Variants in PHF2 observed in about 807,000 individuals in gnomAD.
PHF2 encodes the protein lysine-specific demethylase PHF2.
A neutral mutation model predicts 120.5 loss-of-function variants in PHF2; 27 were observed. The ratio of observed to expected loss-of-function variants is 0.22; its 90% CI spans 0.17 to 0.31. The LOEUF (loss-of-function observed/expected upper bound fraction) is 0.31. PHF2 is among the 10% of genes least tolerant of loss of function. The pLI, the probability that PHF2 is intolerant of heterozygous loss-of-function variation, is 1.00. For synonymous variants in PHF2, 568 were observed against 592.5 expected, an observed-to-expected ratio of 0.96 and a Z score of 0.60; for missense variants, 1,024 against 1,434.8, an observed-to-expected ratio of 0.71 and a Z score of 4.63.
chr9:93,627,283 T>G (rs748392969), intron 1 of PHF2, among the ~76,000 whole-genome samples: 13 of 152,238 alleles, frequency 8.5e-5, no homozygotes, highest in Non-Finnish European at 1.9e-4. Flanking sequence ...CTTGATTTTA[T>G]TTTCAGATTA....
chr9:93,629,064 A>AT (rs1239599566), intron 1 of PHF2, among the ~76,000 whole-genome samples: 11 of 151,526 alleles, frequency 7.3e-5, no homozygotes, highest in Non-Finnish European at 4.4e-5. Flanking sequence ...GCTCCGGCTA[A>AT]TTTTTTTTGT....
At chr9:93,577,516 TAGACCCGGC>T (rs779231882) in intron 1 of PHF2, among the ~76,000 whole-genome samples, 8 of 152,064 alleles carry the variant, frequency 5.3e-5, no homozygotes, top group Non-Finnish European at 8.8e-5. Flanking sequence ...GCGGAGCAGC[TAGACCCGGC>T]AGGCCTGCAG....
In PHF2 at chr9:93,595,634, A is replaced by G. The variant is rs181862552; in HGVS notation, c.98+18763A>G. On this transcript the variant is annotated intron_variant, in intron 1 of 21. Coordinates refer to ENST00000359246, the MANE Select transcript of PHF2 (RefSeq NM_005392.4). ...ATGTGCAGACACACTTTATACACAGACCGAGATTTGCATCTTCTGTGAACA... is the reference window on the plus strand; with the variant it reads ...ATGTGCAGACACACTTTATACACAGGCCGAGATTTGCATCTTCTGTGAACA... Among the ~76,000 whole-genome samples, 40 of 152,366 alleles carry G rather than the reference A, an allele frequency of 2.6e-4. No homozygotes were observed. In the East Asian group the frequency reaches 6.8e-3, roughly 26 times the overall value.
rs763338562 is a variant in PHF2 at position 93,660,579 on chromosome 9, G to T, written c.1698+19G>T. The T allele has an allele frequency of 1.3e-6, 2 of 1,532,352 alleles. No individual in the cohort carries two copies. The highest frequency in any genetic ancestry group is 1.3e-5 in the South Asian group (1 of 75,506). The allele number at this position is 1,532,352 out of a possible 1,614,324, so 94.9% of individuals were successfully genotyped here. A position where few individuals can be genotyped will look rare whatever the true frequency, so the allele number is the denominator to read the frequency against. ...GGGCAAGGTGGGACCCCCTCACCCT[G>T]ACTCCCCACCTTATCACCAGAGGTG... On this transcript the variant is annotated intron_variant, in intron 12 of 21. Coordinates refer to ENST00000359246, the MANE Select transcript of PHF2 (RefSeq NM_005392.4).
In PHF2 at chr9:93,647,328, C is replaced by T. The variant is rs375362506; in HGVS notation, c.460+1539C>T. 1.9e-4 allele frequency among the ~76,000 whole-genome samples: 29 copies of T among 152,338 alleles called. 1 individual carries two copies. In the East Asian group the frequency reaches 4.1e-3, roughly 21 times the overall value. On this transcript the variant is annotated intron_variant, in intron 4 of 21. Coordinates refer to ENST00000359246, the MANE Select transcript of PHF2 (RefSeq NM_005392.4). Reference sequence around the variant, plus strand: ...CCCTGCCACCAAGGCCCTGGGCTCACCTAATCATGCGGGTGGGGCCTGGTT... The same window carrying T: ...CCCTGCCACCAAGGCCCTGGGCTCATCTAATCATGCGGGTGGGGCCTGGTT...
chr9:93,645,293 G>C (rs1208846346), intron 3 of PHF2, among the ~76,000 whole-genome samples: 1 of 152,196 alleles, frequency 6.6e-6, no homozygotes, highest in Non-Finnish European at 1.5e-5. Context: ...CCGGGTGCCG[G>C]TGGTTGGGGA....
intron 1 of PHF2, among the ~76,000 whole-genome samples, chr9:93,627,491 G>GGTTTTTTTT (rs1186546705): frequency 2.4e-5 from 1 of 41,076 alleles, no homozygotes; most frequent in African/African-American, 9.2e-5. Flanking sequence ...TTTATTTCAG[G>GGTTTTTTTT]ATTTTTTTTT....
chr9:93,597,535 G>T (rs1041186594), intron 1 of PHF2, among the ~76,000 whole-genome samples: 3 of 152,102 alleles, frequency 2.0e-5, no homozygotes, highest in African/African-American at 7.2e-5. Flanking sequence ...GCAGGAAGCG[G>T]GGTTGGGGGT....
In PHF2 at chr9:93,660,542, G is replaced by A. The variant is rs1436420175; in HGVS notation, c.1680G>A (p.Glu560=). The A allele has an allele frequency of 3.2e-6, 5 of 1,573,024 alleles. No individual in the cohort carries two copies. Among genetic ancestry groups the A allele is most frequent in the South Asian group, 1.2e-5 (1 of 83,072 alleles). ...AHTKEALTKM[E]PPKKGKATKS... ...CCAAGGAGGCACTGACCAAGATGGA[G>A]CCGCCCAAGAAGGGCAAGGTGGGAC... The change falls in exon 12 of 22, where the codon GAG becomes GAA. Residue 560 remains glutamate, a synonymous_variant. Transcript: ENST00000359246.
At chr9:93,670,796 A>G (rs1342272480) in intron 17 of PHF2, among the ~76,000 whole-genome samples, 1 of 152,090 alleles carries the variant, frequency 6.6e-6, no homozygotes, top group African/African-American at 2.4e-5. Flanking sequence ...CAGTGTAGAC[A>G]GGAGGAGGTG....
At chr9:93,646,523 A>C (rs533539318) in intron 4 of PHF2, among the ~76,000 whole-genome samples, 1 of 152,348 alleles carries the variant, frequency 6.6e-6, no homozygotes, top group East Asian at 1.9e-4. Context: ...CCAGGACAGA[A>C]GGTGGGCAGG....
intron 17 of PHF2, among the ~76,000 whole-genome samples, chr9:93,668,787 T>A (rs2118065776): frequency 6.6e-6 from 1 of 152,326 alleles, no homozygotes; most frequent in East Asian, 1.9e-4. Flanking sequence ...CTCGGAGCAG[T>A]GTGCACGTGC....
At chr9:93,602,504 C>T (rs537744976) in intron 1 of PHF2, among the ~76,000 whole-genome samples, 2 of 152,202 alleles carry the variant, frequency 1.3e-5, no homozygotes, top group South Asian at 2.1e-4. Flanking sequence ...CCACCCACCT[C>T]GGCCTCCCAA....
At chr9:93,654,344 A>G (rs1395179612) in intron 6 of PHF2, 69 bp from the exon 7 acceptor site, 11 of 1,494,288 alleles carry the variant, frequency 7.4e-6, no homozygotes, top group Admixed American at 1.7e-5. Flanking sequence ...TCACGTTAGG[A>G]CCTGTCACTT....
chr9:93,635,975 G>A (rs1251556569), intron 2 of PHF2, among the ~76,000 whole-genome samples: 1 of 152,240 alleles, frequency 6.6e-6, no homozygotes, highest in East Asian at 1.9e-4. Flanking sequence ...GCCCCTGTCT[G>A]TGGCTGTGGC....
At chr9:93,586,596 T>C (rs2131600053) in intron 1 of PHF2, among the ~76,000 whole-genome samples, 1 of 152,364 alleles carries the variant, frequency 6.6e-6, no homozygotes, top group Non-Finnish European at 1.5e-5. Flanking sequence ...CTGGCTGCGC[T>C]TGGCAGCTCT....
chr9:93,655,959 T>C lies in PHF2; in HGVS notation c.978T>C (p.Pro326=). The change falls in exon 8 of 22, where the codon CCT becomes CCC. Residue 326 remains proline (P), a synonymous_variant. Coordinates refer to ENST00000359246, the MANE Select transcript of PHF2 (RefSeq NM_005392.4). ...PSGWIYATLT[P]VDCLAFAGHF... is the part of the protein sequence containing the mutation. ...GCTGGATCTACGCCACACTCACCCC[T>C]GTGGACTGCCTGGCCTTCGCGGGAC... 6.2e-7 allele frequency: 1 copy of C among 1,612,796 alleles called. No individual in the cohort carries two copies. The highest frequency in any genetic ancestry group is 8.5e-7 in the Non-Finnish European group (1 of 1,179,746).
chr9:93,669,851 C>G (rs3750364), intron 17 of PHF2, among the ~76,000 whole-genome samples: 19,220 of 152,286 alleles, frequency 0.13, 1,370 homozygotes, highest in Non-Finnish European at 0.17. Flanking sequence ...AGGACTGGTC[C>G]TGGTGGGGCC....
chr9:93,670,939 G>A (rs913173720), intron 17 of PHF2: 2 of 934,956 alleles, frequency 2.1e-6, no homozygotes, highest in African/African-American at 3.6e-5. Context: ...TCTGTGTGGA[G>A]CCTGCCAGAA....
Sources: allele counts gnomAD v4.1 joint callset (sites outside exome capture counted in the v4.1 genomes callset), GRCh38; gene constraint gnomAD v4.1.1; transcripts MANE v1.5; gene names NCBI Gene and HGNC (gene_info 2026-07-23, HGNC 2026-07-21).